IQGAP1: variants seen among roughly 807,000 people sequenced by gnomAD.
IQGAP1 encodes the protein IQ motif containing GTPase activating protein 1.
In IQGAP1, 66 loss-of-function variants were observed where a neutral mutation model predicts 215.6. That is an observed-to-expected ratio of 0.31 (90% confidence interval 0.25 to 0.38). The LOEUF (loss-of-function observed/expected upper bound fraction) is 0.38, where lower values mean the gene tolerates loss of function less well. Ranked by LOEUF, IQGAP1 falls within the 10% of genes least tolerant of loss-of-function variation. The pLI is 1.00. For synonymous variants in IQGAP1, 772 were observed against 728.7 expected (o/e 1.06, Z -0.96); for missense variants, 1,712 against 1,997.1 (o/e 0.86, Z 2.72).
chr15:90,495,438 A>C (rs746985242), intron 36 of IQGAP1, among the ~76,000 whole-genome samples: 1 of 152,168 alleles, frequency 6.6e-6, no homozygotes, highest in Non-Finnish European at 1.5e-5. Flanking sequence ...TTCTAAAATA[A>C]TATGTATTCG....
chr15:90,443,537 A>G (rs1405412276), intron 9 of IQGAP1, 59 bp downstream of exon 9: 8 of 1,015,712 alleles, frequency 7.9e-6, no homozygotes, highest in Admixed American at 7.5e-5. Context: ...GTGAATGTTG[A>G]TCTATTCTGG....
intron 3 of IQGAP1, among the ~76,000 whole-genome samples, chr15:90,428,838 A>G (rs1050606649): frequency 1.1e-4 from 16 of 152,084 alleles, no homozygotes; most frequent in Non-Finnish European, 7.4e-5. Flanking sequence ...ATATCTGTAT[A>G]TATAGAATGA....
intron 2 of IQGAP1, among the ~76,000 whole-genome samples, chr15:90,392,700 G>A (rs1220807524): frequency 6.7e-6 from 1 of 148,378 alleles, no homozygotes; most frequent in Admixed American, 6.7e-5. Flanking sequence ...ACTGAAGCCT[G>A]AGTTTTTTGG....
rs766454169 is a variant in IQGAP1 at position 90,497,308 on chromosome 15, G to A, written c.4828G>A (p.Val1610Ile). 3.1e-6 allele frequency: 5 copies of A among 1,607,984 alleles called. No individual in the cohort carries two copies. The South Asian group carries it at 5.5e-5, about 18-fold the overall frequency. ...CGAAGTGAAAGCCAAATTCATGGGA[G>A]TTCAAATGGAGACTTTTATGTTACA... ...DFEVKAKFMG[V>I]QMETFMLHYQ... is the part of the protein sequence containing the mutation. The change falls in exon 37 of 38, where the codon GTT becomes ATT. Residue 1610 changes from valine to isoleucine, a missense_variant. Val to Ile is a conservative substitution (Grantham distance 29). Coordinates refer to ENST00000268182, the MANE Select transcript of IQGAP1 (RefSeq NM_003870.4).
At position 90,477,812 on chromosome 15, in the gene IQGAP1, T is replaced by G; in HGVS notation, c.3252T>G (p.Ser1084=). Residue 1084 remains serine (S), a synonymous_variant, in exon 26 of 38, where the codon TCT becomes TCG. Coordinates refer to ENST00000268182, the MANE Select transcript of IQGAP1 (RefSeq NM_003870.4). ...TGAAGGAAATTATGGATGACAAATCTCTCAACATCAAAACTGACCCTGTGG... is the reference window on the plus strand; with the variant it reads ...TGAAGGAAATTATGGATGACAAATCGCTCAACATCAAAACTGACCCTGTGG... ...PVVKEIMDDK[S]LNIKTDPVDI... 6.2e-7 allele frequency: 1 copy of G among 1,614,006 alleles called. No homozygotes were observed. The highest frequency in any genetic ancestry group is 8.5e-7 in the Non-Finnish European group (1 of 1,179,982).
intron 5 of IQGAP1, among the ~76,000 whole-genome samples, chr15:90,437,196 TA>T (rs1490768255): frequency 6.6e-6 from 1 of 152,122 alleles, no homozygotes; most frequent in Admixed American, 6.6e-5. Context: ...TACATACTTT[TA>T]AAAAACCAAA....
chr15:90,444,639 A>G (rs975341125), intron 9 of IQGAP1, among the ~76,000 whole-genome samples: 2 of 152,170 alleles, frequency 1.3e-5, no homozygotes, highest in Non-Finnish European at 2.9e-5. Flanking sequence ...ACTTTTATAT[A>G]TGTGTTACTT....
chr15:90,391,971 C>T (rs1348824932), intron 2 of IQGAP1: 1 of 152,124 alleles, frequency 6.6e-6, no homozygotes, highest in Non-Finnish European at 1.5e-5. Context: ...TTCTGAAAAT[C>T]TTAAAATGCT....
At chr15:90,471,815 T>C (rs1407771152) in intron 18 of IQGAP1, among the ~76,000 whole-genome samples, 1 of 145,412 alleles carries the variant, frequency 6.9e-6, no homozygotes, top group Non-Finnish European at 1.5e-5. Flanking sequence ...TGGAGTCTTT[T>C]AAGTGCATAC....
At chr15:90,436,040 C>A (rs948545913) in intron 5 of IQGAP1, among the ~76,000 whole-genome samples, 2 of 149,232 alleles carry the variant, frequency 1.3e-5, no homozygotes, top group African/African-American at 2.5e-5. Flanking sequence ...AAAATACTAC[C>A]TCTCTGTCTC....
chr15:90,493,781 G>A (rs1014757851), intron 35 of IQGAP1, among the ~76,000 whole-genome samples: 1 of 152,206 alleles, frequency 6.6e-6, no homozygotes, highest in Non-Finnish European at 1.5e-5. Flanking sequence ...TCTGACTCCT[G>A]TGAGCTTTTG....
intron 23 of IQGAP1, chr15:90,474,956 C>G (rs866794915): frequency 2.0e-5 from 8 of 393,510 alleles, no homozygotes; most frequent in African/African-American, 6.2e-5. Flanking sequence ...ATTACAGGCA[C>G]GTGACACTAT....
At position 90,423,791 on chromosome 15, in the gene IQGAP1, G is replaced by C. The variant is rs552293410; in HGVS notation, c.156-2319G>C. The stretch of plus-strand genomic sequence containing the variant: ...TAAAGAGCATTCTACCCAGCTATAG[G>C]AAACATCTAAGTCAGGACTGTTTTA... On this transcript the variant is annotated intron_variant, in intron 2 of 37. Coordinates refer to ENST00000268182, the MANE Select transcript of IQGAP1 (RefSeq NM_003870.4). Among the ~76,000 whole-genome samples the C allele has an allele frequency of 3.9e-5, 6 of 152,308 alleles. No homozygotes were observed. The South Asian group carries it at 1.2e-3, about 32-fold the overall frequency.
At position 90,483,578 on chromosome 15, in the gene IQGAP1, C is replaced by G; in HGVS notation, c.3773C>G (p.Ser1258Cys). ...ATCATTAATGAATATCTTTCCCAGT[C>G]CTACCAGAAATTCAGGTAAGGGGAA... ...LSIINEYLSQ[S>C]YQKFRRFFQT... Residue 1258 changes from serine to cysteine, a missense_variant, in exon 29 of 38, where the codon TCC becomes TGC. Coordinates refer to ENST00000268182, the MANE Select transcript of IQGAP1 (RefSeq NM_003870.4). 5 of 1,609,976 alleles carry G rather than the reference C, an allele frequency of 3.1e-6. No homozygotes were observed. Among genetic ancestry groups the G allele is most frequent in the Non-Finnish European group, 4.2e-6 (5 of 1,178,002 alleles).
chr15:90,435,814 A>G (rs373658030), intron 5 of IQGAP1, among the ~76,000 whole-genome samples: 1 of 152,200 alleles, frequency 6.6e-6, no homozygotes, highest in South Asian at 2.1e-4. Context: ...TGTGCTTAGA[A>G]AGTATATATA....
intron 2 of IQGAP1, among the ~76,000 whole-genome samples, chr15:90,422,585 G>A (rs1965154159): frequency 7.2e-6 from 1 of 139,136 alleles, no homozygotes; most frequent in Non-Finnish European, 1.5e-5. Context: ...AAACATTTCA[G>A]AAATGTTTAA....
At chr15:90,390,192 A>G (rs1015002665) in intron 1 of IQGAP1, among the ~76,000 whole-genome samples, 1 of 152,232 alleles carries the variant, frequency 6.6e-6, no homozygotes, top group Admixed American at 6.5e-5. Flanking sequence ...CCTGGTGCCC[A>G]TGAAGGAAGC....
chr15:90,472,930 C>G lies in IQGAP1; in HGVS notation c.2269C>G (p.Arg757Gly), dbSNP rs751869935. The G allele has an allele frequency of 8.1e-6, 13 of 1,613,814 alleles. No individual in the cohort carries two copies. The South Asian group carries it at 1.1e-4, about 14-fold the overall frequency. The change falls in exon 19 of 38, where the codon CGT becomes GGT. Residue 757 changes from arginine (R) to glycine (G), a missense_variant. Physicochemically the swap from Arg to Gly is moderately radical, Grantham distance 125. Transcript: ENST00000268182. ...GLITRLQARC[R>G]GYLVRQEFRS... ...GATCACCAGGCTGCAGGCTCGCTGC[C>G]GTGGATACTTAGTTCGACAGGAATT...
At chr15:90,433,639 T>A in intron 4 of IQGAP1, 80 bp from the exon 5 acceptor site, 1 of 868,086 alleles carries the variant, frequency 1.2e-6, no homozygotes, top group Admixed American at 2.2e-5. Flanking sequence ...CATAGTTTGA[T>A]TTGGATTATT....
Sources: gnomAD v4.1 joint callset for allele counts (sites outside exome capture counted in the v4.1 genomes callset) on GRCh38, gnomAD v4.1.1 for gene constraint, MANE v1.5 for transcripts, NCBI Gene and HGNC (gene_info 2026-07-23, HGNC 2026-07-21) for gene names.